The following ADAR variants were observed in gnomAD, a reference collection of about 807,000 sequenced individuals.
ADAR encodes the protein adenosine deaminase RNA specific, also known as double-stranded RNA-specific adenosine deaminase.
In ADAR, 41 loss-of-function variants were observed where a neutral mutation model predicts 113.2. The ratio of observed to expected loss-of-function variants is 0.36; its 90% CI spans 0.28 to 0.47. The LOEUF (loss-of-function observed/expected upper bound fraction) is 0.47, where lower values mean the gene tolerates loss of function less well. ADAR is among the 20% of genes least tolerant of loss of function. The probability of loss-of-function intolerance (pLI) is 1.00; values close to 1 mark genes in which losing one functional copy is unlikely to be tolerated. For missense variants in ADAR, 1,242 were observed against 1,540.9 expected (o/e 0.81, Z 3.25); for synonymous variants, 605 against 572.6 (o/e 1.06, Z -0.81).
chr1:154,591,710 G>C (rs570700811), intron 6 of ADAR, among the ~76,000 whole-genome samples: 183 of 152,368 alleles, frequency 1.2e-3, no homozygotes, highest in African/African-American at 3.9e-3. Flanking sequence ...GCATATAACA[G>C]AGGCTTCAGT....
Position 154,621,257 on chromosome 1 carries a change from C to A in ADAR, c.-871+6598G>T, listed in dbSNP as rs1698785331. Among the ~76,000 whole-genome samples the A allele has an allele frequency of 2.0e-5, 3 of 151,604 alleles. No individual in the cohort carries two copies. In the South Asian group the frequency reaches 6.2e-4, roughly 32 times the overall value. On this transcript the variant is annotated intron_variant, in intron 1 of 14. Coordinates refer to the ADAR transcript ENST00000368471. Reference sequence around the variant, plus strand: ...AATCTGAAATAAAACTGAATGCTAGCTTTTTAAAAGTCATATGTAAAAATG... The same window carrying A: ...AATCTGAAATAAAACTGAATGCTAGATTTTTAAAAGTCATATGTAAAAATG...
intron 1 of ADAR, among the ~76,000 whole-genome samples, chr1:154,606,764 T>C (rs867572318): frequency 6.6e-6 from 1 of 152,110 alleles, no homozygotes; most frequent in African/African-American, 2.4e-5. Context: ...TCATTTAACA[T>C]TCATTGCCTC....
At chr1:154,626,026 T>C (rs1169740794) in intron 1 of ADAR, among the ~76,000 whole-genome samples, 1 of 145,330 alleles carries the variant, frequency 6.9e-6, no homozygotes, top group Non-Finnish European at 1.5e-5. Context: ...AAAAAAAAAT[T>C]AGCCAGGCAT....
intron 1 of ADAR, among the ~76,000 whole-genome samples, chr1:154,621,787 T>C (rs886430870): frequency 7.9e-5 from 12 of 152,248 alleles, no homozygotes; most frequent in Admixed American, 5.9e-4. Context: ...ATTCACTTCT[T>C]AGGAAGCAAA....
rs1273588295 is a variant in ADAR at position 154,586,322 on chromosome 1, T to C, written c.3061A>G (p.Thr1021Ala). ...TCCCCGAGCCGAATGCCATCCCACG[T>C]AGGCACAATGTCACTGGATTCCACA... ...IPVESSDIVP[T>A]WDGIRLGERL... is the part of the protein sequence containing the mutation. Residue 1021 changes from threonine to alanine, a missense_variant, in exon 12 of 15, where the codon ACG (threonine) becomes GCG (alanine). Transcript: ENST00000368474. 2 of 1,614,088 alleles carry C rather than the reference T, an allele frequency of 1.2e-6. No individual in the cohort carries two copies. The highest frequency in any genetic ancestry group is 1.3e-5 in the African/African-American group (1 of 74,930).
At chr1:154,609,668 C>T (rs569442704), upstream of ADAR, among the ~76,000 whole-genome samples, 10 of 152,274 alleles carry the variant, frequency 6.6e-5, no homozygotes, top group Non-Finnish European at 8.8e-5. Flanking sequence ...CCATGCTTCT[C>T]GAGTTACTGG....
At chr1:154,627,765 C>G in intron 1 of ADAR, 2 of 484,198 alleles carry the variant, frequency 4.1e-6, no homozygotes, top group Non-Finnish European at 8.2e-6. Flanking sequence ...CCCACGCTTC[C>G]TCTAACATCA....
chr1:154,626,814 T>C (rs181608941), intron 1 of ADAR, among the ~76,000 whole-genome samples: 2 of 152,282 alleles, frequency 1.3e-5, no homozygotes, highest in African/African-American at 4.8e-5. Flanking sequence ...CCCTTTCCAC[T>C]CTATTTCCCT....
intron 6 of ADAR, among the ~76,000 whole-genome samples, chr1:154,595,129 A>G (rs1355317785): frequency 6.6e-6 from 1 of 152,178 alleles, no homozygotes; most frequent in African/African-American, 2.4e-5. Flanking sequence ...TTCTGGTCCG[A>G]GCTCCGCCTC....
At position 154,601,445 on chromosome 1, in the gene ADAR, G is replaced by A; in HGVS notation, c.1197C>T (p.Ala399=). 1.2e-6 allele frequency: 2 copies of A among 1,614,162 alleles called. No individual in the cohort carries two copies. The highest frequency in any genetic ancestry group is 8.5e-7 in the Non-Finnish European group (1 of 1,180,042). ...TTTCTGTGGTTACCATGTTATTTGA[G>A]GCATTTGATGTGGGTATATTACAGG... is the stretch of plus-strand genomic sequence containing the variant. The part of the protein sequence containing the change: ...FLTCNIPTSN[A]SNNMVTTEKV... The change falls in exon 2 of 15, where the codon GCC becomes GCT. Residue 399 remains alanine (A), a synonymous_variant. Transcript: ENST00000368474. This position sits in a 1 kb window ranked among gnomAD's most constrained non-coding sequence, Gnocchi z 4.7.
chr1:154,623,120 A>T (rs1328154690), intron 1 of ADAR, among the ~76,000 whole-genome samples: 3 of 152,222 alleles, frequency 2.0e-5, no homozygotes, highest in African/African-American at 7.2e-5. Context: ...CAATAAACAG[A>T]TAATTATCAA....
intron 1 of ADAR, among the ~76,000 whole-genome samples, chr1:154,626,833 T>C (rs1236257562): frequency 6.6e-6 from 1 of 152,192 alleles, no homozygotes; most frequent in Admixed American, 6.5e-5. Flanking sequence ...CTTTTTCCCA[T>C]ATAGCAAGCA....
chr1:154,604,768 T>C (rs1698089453), intron 1 of ADAR, among the ~76,000 whole-genome samples: 1 of 152,186 alleles, frequency 6.6e-6, no homozygotes. Flanking sequence ...AAGGACCTCT[T>C]CTTCCTTTAT....
rs759101498 is a variant in ADAR, at chr1:154,588,081, G to C, written c.3019+44C>G. ...TAGAGACTTGGGGTCCCTGGACCTTGCAGAGCCTTTTGAGGAAAGGAGGCG... is the reference window on the plus strand; with the variant it reads ...TAGAGACTTGGGGTCCCTGGACCTTCCAGAGCCTTTTGAGGAAAGGAGGCG... On this transcript the variant is annotated intron_variant, in intron 11 of 14. Coordinates refer to ENST00000368474, the MANE Select transcript of ADAR (RefSeq NM_001111.5). 4.8e-5 allele frequency: 77 copies of C among 1,611,266 alleles called. 1 individual carries two copies. In the South Asian group the frequency reaches 8.5e-4, roughly 18 times the overall value.
At chr1:154,587,654 T>A (rs555849998) in intron 11 of ADAR, among the ~76,000 whole-genome samples, 1 of 152,088 alleles carries the variant, frequency 6.6e-6, no homozygotes, top group Non-Finnish European at 1.5e-5. Context: ...CAGGAGAGGA[T>A]AGGAGAGAAG....
At chr1:154,615,185 A>G (rs1040696337) in intron 1 of ADAR, among the ~76,000 whole-genome samples, 2 of 152,180 alleles carry the variant, frequency 1.3e-5, no homozygotes, top group Non-Finnish European at 2.9e-5. Flanking sequence ...GTCAGATAAT[A>G]AATTTCCATT....
At chr1:154,587,992 C>G in intron 11 of ADAR, 133 bp downstream of exon 11, 2 of 1,396,620 alleles carry the variant, frequency 1.4e-6, no homozygotes, top group Non-Finnish European at 2.0e-6. Flanking sequence ...TGACCCAGGT[C>G]TTCCCTTTCC....
At chr1:154,612,103 A>C (rs185992323), upstream of ADAR, among the ~76,000 whole-genome samples, 6 of 152,292 alleles carry the variant, frequency 3.9e-5, no homozygotes, top group Non-Finnish European at 8.8e-5. Context: ...TTACAACAAC[A>C]GTCTTTTTTA....
intron 1 of ADAR, among the ~76,000 whole-genome samples, chr1:154,617,575 C>T (rs1476104087): frequency 6.6e-6 from 1 of 152,118 alleles, no homozygotes; most frequent in Non-Finnish European, 1.5e-5. Flanking sequence ...TAGAATGGAA[C>T]AGTTAGACAC....
Sources: allele counts gnomAD v4.1 joint callset (sites outside exome capture counted in the v4.1 genomes callset), GRCh38; gene constraint gnomAD v4.1.1; non-coding constraint Gnocchi (gnomAD v3.1); transcripts MANE v1.5; gene names NCBI Gene and HGNC (gene_info 2026-07-23, HGNC 2026-07-21).